ZDHHC14: variants seen among roughly 807,000 people sequenced by gnomAD.
ZDHHC14 encodes zDHHC palmitoyltransferase 14.
ZDHHC14 carries 16 observed loss-of-function variants against 47.7 expected under a neutral mutation model. The ratio of observed to expected loss-of-function variants is 0.34; its 90% confidence interval spans 0.23 to 0.51. The LOEUF (loss-of-function observed/expected upper bound fraction) is 0.51. ZDHHC14 is among the 20% of genes least tolerant of loss of function. ZDHHC14 has a pLI of 0.97. For missense variants in ZDHHC14, 515 were observed against 662.5 expected, an observed-to-expected ratio of 0.78 and a Z score of 2.44; for synonymous variants, 293 against 278.9, an observed-to-expected ratio of 1.05 and a Z score of -0.50.
At chr6:157,484,379 CACATATATACGTATATAT>C (rs1779720929) in intron 1 of ZDHHC14, among the ~76,000 whole-genome samples, 2 of 143,126 alleles carry the variant, frequency 1.4e-5, no homozygotes, top group African/African-American at 5.2e-5. Flanking sequence ...TATATATACA[CACATATATACGTATATAT>C]ACATATATAT....
intron 3 of ZDHHC14, among the ~76,000 whole-genome samples, chr6:157,601,371 A>C (rs1448883075): frequency 6.6e-6 from 1 of 152,184 alleles, no homozygotes; most frequent in Non-Finnish European, 1.5e-5. Flanking sequence ...AATAAACACA[A>C]ATATATAACT....
chr6:157,449,884 G>A (rs1164304385), intron 1 of ZDHHC14, among the ~76,000 whole-genome samples: 1 of 152,084 alleles, frequency 6.6e-6, no homozygotes, highest in Non-Finnish European at 1.5e-5. Context: ...TTTATGGTTT[G>A]AATTGCAGCT....
chr6:157,548,880 T>C (rs774548382), intron 2 of ZDHHC14, among the ~76,000 whole-genome samples: 6 of 152,234 alleles, frequency 3.9e-5, no homozygotes, highest in Non-Finnish European at 7.3e-5. Flanking sequence ...GTCTGTGTGA[T>C]GGGTCTGCTG....
chr6:157,620,848 A>G (rs1472949191), intron 3 of ZDHHC14, among the ~76,000 whole-genome samples: 4 of 152,258 alleles, frequency 2.6e-5, no homozygotes, highest in Non-Finnish European at 5.9e-5. Flanking sequence ...GCTGAGGTGC[A>G]GATGAACGTG....
chr6:157,400,875 C>T lies in ZDHHC14; in HGVS notation c.245+18609C>T, dbSNP rs112733235. Among the ~76,000 whole-genome samples the T allele has an allele frequency of 4.3e-3, 658 of 152,308 alleles. 4 individuals are homozygous for T. Among genetic ancestry groups the T allele is most frequent in the African/African-American group, 0.014 (584 of 41,554 alleles). On this transcript the variant is annotated intron_variant, in intron 1 of 8. Transcript: ENST00000359775. Reference sequence around the variant, plus strand: ...GCCGGGCTCCCTGTGCAGCTGTGCACGCCTTTATCATCCCCTGGCCTGTGC... The same window carrying T: ...GCCGGGCTCCCTGTGCAGCTGTGCATGCCTTTATCATCCCCTGGCCTGTGC...
At chr6:157,408,458 G>A (rs981534111) in intron 1 of ZDHHC14, among the ~76,000 whole-genome samples, 1 of 151,958 alleles carries the variant, frequency 6.6e-6, no homozygotes, top group Non-Finnish European at 1.5e-5. Context: ...CTCCCTCCAC[G>A]CCCTCCAACA....
intron 2 of ZDHHC14, 93 bp from the exon 3 acceptor site, chr6:157,592,895 G>A (rs1783971166): frequency 2.0e-6 from 3 of 1,501,066 alleles, no homozygotes; most frequent in East Asian, 2.4e-5. Flanking sequence ...CGCTGTGCCT[G>A]CTGCCCTGGA....
At chr6:157,393,830 A>T (rs1350608794) in intron 1 of ZDHHC14, among the ~76,000 whole-genome samples, 1 of 151,816 alleles carries the variant, frequency 6.6e-6, no homozygotes, top group Admixed American at 6.6e-5. Context: ...TCTTGCCTTT[A>T]AGTAACTTTG....
intron 1 of ZDHHC14, among the ~76,000 whole-genome samples, chr6:157,426,298 G>A (rs770751431): frequency 2.0e-5 from 3 of 152,158 alleles, no homozygotes; most frequent in African/African-American, 7.2e-5. Context: ...CTAAGGACTC[G>A]ACTTGGATGA....
chr6:157,528,282 A>G (rs1295176362), intron 1 of ZDHHC14, among the ~76,000 whole-genome samples: 1 of 152,184 alleles, frequency 6.6e-6, no homozygotes, highest in East Asian at 1.9e-4. Flanking sequence ...TGAGCTGAAC[A>G]GTTTTTTTGT....
intron 8 of ZDHHC14, among the ~76,000 whole-genome samples, chr6:157,666,307 A>C (rs951126956): frequency 6.6e-6 from 1 of 152,200 alleles, no homozygotes; most frequent in Non-Finnish European, 1.5e-5. Flanking sequence ...TAACATTTTA[A>C]ATACCCCAAT....
chr6:157,455,038 C>T (rs747573514), intron 1 of ZDHHC14, among the ~76,000 whole-genome samples: 4 of 152,186 alleles, frequency 2.6e-5, no homozygotes, highest in Admixed American at 6.5e-5. Flanking sequence ...CGCAAACTGA[C>T]GGGCCCATCC....
At chr6:157,580,551 T>C (rs984239159) in intron 2 of ZDHHC14, among the ~76,000 whole-genome samples, 11 of 151,972 alleles carry the variant, frequency 7.2e-5, no homozygotes, top group African/African-American at 1.7e-4. Context: ...TTTTTATTAC[T>C]GCTTAAATTT....
intron 2 of ZDHHC14, among the ~76,000 whole-genome samples, chr6:157,554,973 C>T (rs1484923832): frequency 1.3e-5 from 2 of 152,184 alleles, no homozygotes; most frequent in Admixed American, 6.5e-5. Flanking sequence ...TCCTGCCACC[C>T]GAAGTGGGAG....
At chr6:157,453,786 TTTTGTG>T (rs1778853606) in intron 1 of ZDHHC14, among the ~76,000 whole-genome samples, 1 of 81,536 alleles carries the variant, frequency 1.2e-5, no homozygotes, top group African/African-American at 5.4e-5. Flanking sequence ...GTTTTTTGTG[TTTTGTG>T]TGTGTGTGTG....
chr6:157,556,083 A>G (rs893583489), intron 2 of ZDHHC14, among the ~76,000 whole-genome samples: 4 of 152,176 alleles, frequency 2.6e-5, no homozygotes, highest in African/African-American at 9.7e-5. Context: ...GTTATTTTAC[A>G]AACTAGCGAC....
intron 3 of ZDHHC14, 118 bp from the exon 4 acceptor site, chr6:157,628,231 A>G (rs1257597835): frequency 9.5e-7 from 1 of 1,054,712 alleles, no homozygotes. Context: ...AATATGCAGA[A>G]TAATATCATT....
chr6:157,405,967 C>T (rs1220150597), intron 1 of ZDHHC14, among the ~76,000 whole-genome samples: 1 of 152,194 alleles, frequency 6.6e-6, no homozygotes, highest in Admixed American at 6.5e-5. Flanking sequence ...CTGCTCGGAC[C>T]TCCCCAATTT....
intron 1 of ZDHHC14, among the ~76,000 whole-genome samples, chr6:157,513,712 A>G (rs1421900777): frequency 6.6e-6 from 1 of 152,160 alleles, no homozygotes; most frequent in Non-Finnish European, 1.5e-5. Flanking sequence ...TTATGATATG[A>G]TTGTCACCGC....
Sources: gnomAD v4.1 joint callset for allele counts (sites outside exome capture counted in the v4.1 genomes callset) on GRCh38, gnomAD v4.1.1 for gene constraint, MANE v1.5 for transcripts, NCBI Gene and HGNC (gene_info 2026-07-23, HGNC 2026-07-21) for gene names.